The following BCAS3 variants were observed in gnomAD, a reference collection of about 807,000 sequenced individuals.
The protein encoded by BCAS3 is BCAS3 microtubule associated cell migration factor.
A neutral mutation model predicts 116.1 loss-of-function variants in BCAS3; 53 were observed. The ratio of observed to expected loss-of-function variants is 0.46; its 90% CI spans 0.37 to 0.57. BCAS3 has a LOEUF of 0.57. BCAS3 is among the 20% of genes least tolerant of loss of function. The pLI is 0.00. For missense variants in BCAS3, 917 were observed against 1,165.4 expected, an observed-to-expected ratio of 0.79 and a Z score of 3.10; for synonymous variants, 391 against 408.2, an observed-to-expected ratio of 0.96 and a Z score of 0.51.
At chr17:61,319,895 TA>T (rs2144812590) in intron 22 of BCAS3, among the ~76,000 whole-genome samples, 1 of 129,116 alleles carries the variant, frequency 7.7e-6, no homozygotes, top group Non-Finnish European at 1.6e-5. Flanking sequence ...TTTTATTTTT[TA>T]TTTTTTTTTT....
chr17:61,329,343 A>ATTATTATTTTTTTT (rs1555831750), intron 22 of BCAS3, among the ~76,000 whole-genome samples: 1 of 131,280 alleles, frequency 7.6e-6, no homozygotes, highest in African/African-American at 2.9e-5. Context: ...TATTATTATT[A>ATTATTATTTTTTTT]TTTTTTTTTT....
Position 61,198,485 on chromosome 17 carries a change from C to G in BCAS3, c.2425+113921C>G, listed in dbSNP as rs1428740117. Reference sequence around the variant, plus strand: ...AATTCATTAATTTAAGTATTTTCTTCTATAATAGCTACAACAATTTTATAC... The same window carrying G: ...AATTCATTAATTTAAGTATTTTCTTGTATAATAGCTACAACAATTTTATAC... On this transcript the variant is annotated intron_variant, in intron 22 of 23. Coordinates refer to ENST00000407086, the MANE Select transcript of BCAS3 (RefSeq NM_017679.5). The surrounding 1 kb of genome is among the most constrained non-coding windows in gnomAD (Gnocchi z 5.0). Among the ~76,000 whole-genome samples the G allele has an allele frequency of 6.6e-6, 1 of 152,126 alleles. No homozygotes were observed. Among genetic ancestry groups the G allele is most frequent in the Non-Finnish European group, 1.5e-5 (1 of 68,024 alleles).
chr17:61,062,785 C>T (rs1487538092), intron 19 of BCAS3, among the ~76,000 whole-genome samples: 1 of 152,182 alleles, frequency 6.6e-6, no homozygotes, highest in African/African-American at 2.4e-5. Context: ...TATGTCAATG[C>T]TGTCTTTTTT....
intron 22 of BCAS3, among the ~76,000 whole-genome samples, chr17:61,322,123 A>G (rs1245332789): frequency 6.6e-6 from 1 of 151,966 alleles, no homozygotes. Context: ...TAGTAGAGAC[A>G]GGGTTTCTCC....
intron 6 of BCAS3, among the ~76,000 whole-genome samples, chr17:60,783,929 A>G (rs919400600): frequency 5.3e-5 from 8 of 152,158 alleles, no homozygotes; most frequent in Non-Finnish European, 1.2e-4. Flanking sequence ...TGTAGTGAAC[A>G]ATGAGAATTG....
At position 61,199,040 on chromosome 17, in the gene BCAS3, A is replaced by G. The variant is rs959962289; in HGVS notation, c.2425+114476A>G. On this transcript the variant is annotated intron_variant, in intron 22 of 23. Coordinates refer to ENST00000407086, the MANE Select transcript of BCAS3 (RefSeq NM_017679.5). This position sits in a 1 kb window ranked among gnomAD's most constrained non-coding sequence, Gnocchi z 4.6. ...ATATAAATGAAACCAACATTTCTCTATCCTGGAAAAAAAGTGTCCAGTAGA... is the reference window on the plus strand; with the variant it reads ...ATATAAATGAAACCAACATTTCTCTGTCCTGGAAAAAAAGTGTCCAGTAGA... Among the ~76,000 whole-genome samples the G allele has an allele frequency of 4.6e-5, 7 of 152,178 alleles. No individual in the cohort carries two copies. Among genetic ancestry groups the G allele is most frequent in the Non-Finnish European group, 8.8e-5 (6 of 68,022 alleles).
chr17:61,291,418 G>A (rs1179335613), intron 22 of BCAS3, among the ~76,000 whole-genome samples: 2 of 152,210 alleles, frequency 1.3e-5, no homozygotes, highest in Non-Finnish European at 2.9e-5. Flanking sequence ...CTTAGAGAAG[G>A]ATTGTGAGAT....
intron 22 of BCAS3, among the ~76,000 whole-genome samples, chr17:61,293,964 T>C (rs2052668303): frequency 6.6e-6 from 1 of 152,182 alleles, no homozygotes; most frequent in Non-Finnish European, 1.5e-5. Flanking sequence ...GGTTTCACCA[T>C]GTTGGCCAGG....
rs1207320470 is a variant in BCAS3, at chr17:61,361,010, G to T, written c.2426-7317G>T. Among the ~76,000 whole-genome samples, 3 of 152,152 alleles carry T rather than the reference G, an allele frequency of 2.0e-5. No homozygotes were observed. The highest frequency in any genetic ancestry group is 7.2e-5 in the African/African-American group (3 of 41,426). On this transcript the variant is annotated intron_variant, in intron 22 of 23. Coordinates refer to ENST00000407086, the MANE Select transcript of BCAS3 (RefSeq NM_017679.5). The surrounding 1 kb of genome is among the most constrained non-coding windows in gnomAD (Gnocchi z 6.5). ...TGGTTTGTAGAAAATGAAATTGGTA[G>T]CTTTTACCCTAGGATACCTCAAATA...
At chr17:60,754,481 C>G (rs543390226) in intron 6 of BCAS3, among the ~76,000 whole-genome samples, 5 of 152,286 alleles carry the variant, frequency 3.3e-5, no homozygotes, top group African/African-American at 1.2e-4. Flanking sequence ...AGGTGATCCT[C>G]CTGCCTCGGC....
chr17:60,948,634 A>G (rs2060658371), intron 14 of BCAS3, among the ~76,000 whole-genome samples: 1 of 152,158 alleles, frequency 6.6e-6, no homozygotes, highest in Non-Finnish European at 1.5e-5. Flanking sequence ...TTTCTCTTGA[A>G]TTCCCACCAA....
chr17:60,735,167 C>T (rs1409885351), intron 5 of BCAS3, among the ~76,000 whole-genome samples: 1 of 152,066 alleles, frequency 6.6e-6, no homozygotes, highest in African/African-American at 2.4e-5. Flanking sequence ...GTGTATTAAC[C>T]TTGTATCCTG....
At chr17:61,163,454 C>G (rs1370762223) in intron 22 of BCAS3, among the ~76,000 whole-genome samples, 1 of 149,438 alleles carries the variant, frequency 6.7e-6, no homozygotes, top group Non-Finnish European at 1.5e-5. Context: ...AAGTTTTTTT[C>G]TATGCTAAAA....
Position 60,767,436 on chromosome 17 carries a change from C to T in BCAS3, c.403+20157C>T, listed in dbSNP as rs866276708. Among the ~76,000 whole-genome samples the T allele has an allele frequency of 6.2e-4, 92 of 148,810 alleles. 1 individual carries two copies. Among genetic ancestry groups the T allele is most frequent in the African/African-American group, 2.3e-3 (90 of 39,644 alleles). On this transcript the variant is annotated intron_variant, in intron 6 of 23. Coordinates refer to ENST00000407086, the MANE Select transcript of BCAS3 (RefSeq NM_017679.5). ...CTCGGCTCACTGCAACCTCTGCCTC[C>T]CGTGTTCAAGCCATTCTCCTGCCTC... is the stretch of plus-strand genomic sequence containing the variant.
Position 61,020,770 on chromosome 17 carries a change from G to A in BCAS3, c.1637+4869G>A, listed in dbSNP as rs7222329. ...AATTCACAAAAAAATGTTCATCAATGAGCTTAATTTTATCTGCTTAAATCT... is the reference window on the plus strand; with the variant it reads ...AATTCACAAAAAAATGTTCATCAATAAGCTTAATTTTATCTGCTTAAATCT... On this transcript the variant is annotated intron_variant, in intron 16 of 23. Transcript: ENST00000407086. The surrounding 1 kb of genome is among the most constrained non-coding windows in gnomAD (Gnocchi z 4.5). 0.1 allele frequency among the ~76,000 whole-genome samples: 15,216 copies of A among 152,130 alleles called. 2,301 individuals are homozygous for A. The highest frequency in any genetic ancestry group is 0.33 in the African/African-American group (13,748 of 41,444).
At chr17:60,786,843 C>A (rs2046329212) in intron 6 of BCAS3, among the ~76,000 whole-genome samples, 1 of 152,128 alleles carries the variant, frequency 6.6e-6, no homozygotes, top group African/African-American at 2.4e-5. Context: ...TTATTATCGA[C>A]AATCCCTTTT....
At chr17:60,773,287 CTT>C (rs1210680882) in intron 6 of BCAS3, among the ~76,000 whole-genome samples, 19 of 91,966 alleles carry the variant, frequency 2.1e-4, no homozygotes, top group African/African-American at 6.2e-4. Context: ...TCTTCAGGTC[CTT>C]TTTTTTTTTT....
rs764808415 is a variant in BCAS3, at chr17:61,029,193, G to A, written c.1638-5473G>A. On this transcript the variant is annotated intron_variant, in intron 16 of 23. Transcript: ENST00000407086. This position sits in a 1 kb window ranked among gnomAD's most constrained non-coding sequence, Gnocchi z 5.2. Reference sequence around the variant, plus strand: ...TTTCTACAAACTTTTTATTAGTTTCGAGTTGCAACGTTAACACTTAGCTAA... The same window carrying A: ...TTTCTACAAACTTTTTATTAGTTTCAAGTTGCAACGTTAACACTTAGCTAA... 2.7e-4 allele frequency among the ~76,000 whole-genome samples: 41 copies of A among 151,706 alleles called. No homozygotes were observed. The highest frequency in any genetic ancestry group is 4.9e-4 in the Non-Finnish European group (33 of 67,804).
intron 7 of BCAS3, among the ~76,000 whole-genome samples, chr17:60,833,030 T>G (rs1599024307): frequency 1.3e-5 from 2 of 152,312 alleles, no homozygotes; most frequent in East Asian, 3.9e-4. Context: ...TCATTTTATA[T>G]AATCTATTTT....
Sources: allele counts gnomAD v4.1 joint callset (sites outside exome capture counted in the v4.1 genomes callset), GRCh38; gene constraint gnomAD v4.1.1; non-coding constraint Gnocchi (gnomAD v3.1); transcripts MANE v1.5; gene names NCBI Gene and HGNC (gene_info 2026-07-23, HGNC 2026-07-21).